ERBB4: variants seen among roughly 807,000 people sequenced by gnomAD.
ERBB4 encodes the protein erb-b2 receptor tyrosine kinase 4, also known as receptor tyrosine-protein kinase erbB-4.
ERBB4 carries 42 observed loss-of-function variants against 158.0 expected under a neutral mutation model. That is an observed-to-expected ratio of 0.27 (90% CI 0.21 to 0.34). The LOEUF (loss-of-function observed/expected upper bound fraction) is 0.34, where lower values mean the gene tolerates loss of function less well. ERBB4 is among the 10% of genes least tolerant of loss of function. ERBB4 has a pLI of 1.00. For synonymous variants in ERBB4, 583 were observed against 558.7 expected (o/e 1.04, Z -0.61); for missense variants, 1,333 against 1,624.1 (o/e 0.82, Z 3.08).
At chr2:211,816,540 CA>C (rs34323414) in intron 3 of ERBB4, among the ~76,000 whole-genome samples, 22,014 of 66,382 alleles carry the variant, frequency 0.33, 711 homozygotes, top group South Asian at 0.4. Flanking sequence ...GAGCCCGTCT[CA>C]AAAAAAAAAA....
intron 20 of ERBB4, among the ~76,000 whole-genome samples, chr2:211,522,123 T>C (rs1474847814): frequency 6.6e-6 from 1 of 152,144 alleles, no homozygotes; most frequent in African/African-American, 2.4e-5. Flanking sequence ...CCACAGATAA[T>C]GATTCCCTGA....
At chr2:211,589,513 G>C (rs1214153651) in intron 19 of ERBB4, among the ~76,000 whole-genome samples, 2 of 152,066 alleles carry the variant, frequency 1.3e-5, no homozygotes, top group African/African-American at 4.8e-5. Flanking sequence ...AGCCCTAATA[G>C]CTTAGCCATC....
rs1242746591 is a variant in ERBB4 at position 211,524,654 on chromosome 2, G to C, written c.2487+37249C>G. On this transcript the variant is annotated intron_variant, in intron 20 of 27. Transcript: ENST00000342788. Reference sequence around the variant, plus strand: ...CCCCTCATTGCCCGGGGCCGGCAGGGCCGCCGGCTGCTCCGAGTGCGGGGC... The same window carrying C: ...CCCCTCATTGCCCGGGGCCGGCAGGCCCGCCGGCTGCTCCGAGTGCGGGGC... Among the ~76,000 whole-genome samples the C allele has an allele frequency of 3.9e-4, 59 of 151,728 alleles. 1 individual carries two copies. Among genetic ancestry groups the C allele is most frequent in the African/African-American group, 1.4e-3 (57 of 41,194 alleles).
At chr2:211,618,272 T>C (rs1175537027) in intron 19 of ERBB4, among the ~76,000 whole-genome samples, 2 of 152,104 alleles carry the variant, frequency 1.3e-5, no homozygotes, top group African/African-American at 4.8e-5. Context: ...TAAAACAGTA[T>C]GGTTAATTTT....
intron 20 of ERBB4, among the ~76,000 whole-genome samples, chr2:211,530,658 T>C (rs1332511126): frequency 6.6e-6 from 1 of 151,610 alleles, no homozygotes; most frequent in East Asian, 2.0e-4. Flanking sequence ...GGGGCTGAGG[T>C]GGGAGGATTG....
At chr2:211,933,293 T>G (rs761957635) in intron 3 of ERBB4, among the ~76,000 whole-genome samples, 1 of 152,090 alleles carries the variant, frequency 6.6e-6, no homozygotes, top group Non-Finnish European at 1.5e-5. Context: ...TGAACAATGG[T>G]ATCAATGACA....
intron 1 of ERBB4, among the ~76,000 whole-genome samples, chr2:212,512,242 T>A (rs2106282850): frequency 6.6e-6 from 1 of 152,204 alleles, no homozygotes; most frequent in South Asian, 2.1e-4. Context: ...AAAGTTGACT[T>A]AAATCCTGAC....
chr2:212,185,445 A>G (rs1162190403), intron 1 of ERBB4, among the ~76,000 whole-genome samples: 2 of 152,074 alleles, frequency 1.3e-5, no homozygotes, highest in East Asian at 3.9e-4. Flanking sequence ...TTATTTTGAT[A>G]TTCAGAAATC....
chr2:211,593,075 G>T, intron 19 of ERBB4, among the ~76,000 whole-genome samples: 1 of 152,080 alleles, frequency 6.6e-6, no homozygotes, highest in Admixed American at 6.5e-5. Context: ...GGCTCTCGTA[G>T]TGAGAAGAAT....
Position 211,420,738 on chromosome 2 carries a change from A to C in ERBB4, c.2965-127T>G, listed in dbSNP as rs1000903987. 5.7e-5 allele frequency: 49 copies of C among 860,682 alleles called. No homozygotes were observed. In the African/African-American group the frequency reaches 7.7e-4, roughly 14 times the overall value. 53.3% of individuals were successfully genotyped at this position (860,682 alleles called of 1,614,324 possible). A position where few individuals can be genotyped will look rare whatever the true frequency, so the allele number is the denominator to read the frequency against. ...AAATTCATACACACATTTTAAAAAA[A>C]CAAGTCTTTAGCACAACCACCGGCC... On this transcript the variant is annotated intron_variant, in intron 24 of 27. Transcript: ENST00000342788.
In ERBB4 at chr2:211,504,347, C is replaced by A. The variant is rs535234160; in HGVS notation, c.2487+57556G>T. ...CCACTAGACTAAGGCTATCTATAAC[C>A]AAATAATTCATACAGAACCTTGGCC... is the stretch of plus-strand genomic sequence containing the variant. On this transcript the variant is annotated intron_variant, in intron 20 of 27. Transcript: ENST00000342788. 3.8e-3 allele frequency among the ~76,000 whole-genome samples: 578 copies of A among 151,782 alleles called. 7 individuals are homozygous for A. Among genetic ancestry groups the A allele is most frequent in the Non-Finnish European group, 5.4e-3 (364 of 67,940 alleles).
chr2:211,519,674 A>G (rs1156451799), intron 20 of ERBB4, among the ~76,000 whole-genome samples: 2 of 152,240 alleles, frequency 1.3e-5, no homozygotes, highest in Non-Finnish European at 2.9e-5. Flanking sequence ...GGCAAAAAAG[A>G]AAAAAAGAAA....
intron 1 of ERBB4, among the ~76,000 whole-genome samples, chr2:212,304,822 AC>A (rs1210446827): frequency 6.6e-6 from 1 of 151,352 alleles, no homozygotes; most frequent in Non-Finnish European, 1.5e-5. Flanking sequence ...CAATAAAAAA[AC>A]AGTGTCTAGA....
chr2:211,773,849 T>C (rs1342519362), intron 4 of ERBB4, among the ~76,000 whole-genome samples: 1 of 151,360 alleles, frequency 6.6e-6, no homozygotes, highest in Non-Finnish European at 1.5e-5. Context: ...CGTAGGACAT[T>C]AATCATTGAA....
chr2:211,866,153 G>T (rs934379283), intron 3 of ERBB4, among the ~76,000 whole-genome samples: 1 of 152,030 alleles, frequency 6.6e-6, no homozygotes, highest in Admixed American at 6.6e-5. Flanking sequence ...CGGGAGGCTG[G>T]GGCAGGAGAA....
chr2:211,867,882 T>C (rs1407955545), intron 3 of ERBB4, among the ~76,000 whole-genome samples: 4 of 152,212 alleles, frequency 2.6e-5, no homozygotes, highest in Admixed American at 6.5e-5. Flanking sequence ...TCCACAGTAA[T>C]TAATCTCTAT....
At chr2:211,955,369 T>A (rs184844986) in intron 2 of ERBB4, among the ~76,000 whole-genome samples, 2 of 148,926 alleles carry the variant, frequency 1.3e-5, no homozygotes, top group Non-Finnish European at 2.9e-5. Context: ...ATTAACCATA[T>A]TTTTTTTGTC....
At chr2:211,488,724 G>C (rs1003984053) in intron 20 of ERBB4, among the ~76,000 whole-genome samples, 4 of 152,054 alleles carry the variant, frequency 2.6e-5, no homozygotes, top group African/African-American at 4.8e-5. Flanking sequence ...TCTACAAAAA[G>C]AGTCTGTCCT....
chr2:212,340,334 G>T (rs2088647841), intron 1 of ERBB4, among the ~76,000 whole-genome samples: 1 of 152,066 alleles, frequency 6.6e-6, no homozygotes. Context: ...GACAGAATAG[G>T]GAAGATGGTT....
Sources: allele counts gnomAD v4.1 joint callset (sites outside exome capture counted in the v4.1 genomes callset), GRCh38; gene constraint gnomAD v4.1.1; transcripts MANE v1.5; gene names NCBI Gene and HGNC (gene_info 2026-07-23, HGNC 2026-07-21).